The following PTCHD4 variants were observed in gnomAD, a reference collection of about 807,000 sequenced individuals.
PTCHD4 encodes the protein patched domain containing 4.
PTCHD4 carries 33 observed loss-of-function variants against 58.1 expected under a neutral mutation model. The observed-to-expected ratio is 0.57, with a 90% CI of 0.43 to 0.76. The LOEUF is 0.76. PTCHD4 is among the 30% of genes least tolerant of loss of function. The probability of loss-of-function intolerance (pLI) is 0.00; values close to 1 mark genes in which losing one functional copy is unlikely to be tolerated. For missense variants in PTCHD4, 1,058 were observed against 1,027.1 expected, an observed-to-expected ratio of 1.03 and a Z score of -0.41; for synonymous variants, 478 against 409.6, an observed-to-expected ratio of 1.17 and a Z score of -2.02.
intron 3 of PTCHD4, among the ~76,000 whole-genome samples, chr6:48,009,383 T>A (rs1479030825): frequency 6.6e-6 from 1 of 152,198 alleles, no homozygotes; most frequent in Non-Finnish European, 1.5e-5. Flanking sequence ...AGATAAATAT[T>A]TTGTTCTCAC....
At chr6:47,988,144 G>GA (rs1768143480) in intron 4 of PTCHD4, among the ~76,000 whole-genome samples, 1 of 151,998 alleles carries the variant, frequency 6.6e-6, no homozygotes, top group Non-Finnish European at 1.5e-5. Flanking sequence ...AATATTAAAA[G>GA]AAAAAAATAA....
In PTCHD4 at chr6:47,876,530, A is replaced by G. The variant is rs1763852452; in HGVS notation, c.*1773T>C. Among the ~76,000 whole-genome samples the G allele has an allele frequency of 6.6e-6, 1 of 151,958 alleles. No individual in the cohort carries two copies. The highest frequency in any genetic ancestry group is 6.6e-5 in the Admixed American group (1 of 15,222). On this transcript the variant is annotated 3_prime_UTR_variant, in exon 5 of 5. Transcript: ENST00000339488. ...TAGTCTATCAACTTCATTTCCAGAG[A>G]CTATAACGAGAATGGAATGGTTTGT...
chr6:47,908,366 G>A (rs1561951252), intron 4 of PTCHD4, among the ~76,000 whole-genome samples: 1 of 152,032 alleles, frequency 6.6e-6, no homozygotes, highest in Non-Finnish European at 1.5e-5. Flanking sequence ...CCATGAATTG[G>A]GATTTTGTCT....
intron 1 of PTCHD4, among the ~76,000 whole-genome samples, chr6:48,085,825 T>C (rs545127139): frequency 6.6e-6 from 1 of 152,312 alleles, no homozygotes; most frequent in East Asian, 1.9e-4. Context: ...GCTGTTTATC[T>C]ATGAGTTAGG....
At chr6:47,906,067 C>T (rs924825539) in intron 4 of PTCHD4, among the ~76,000 whole-genome samples, 3 of 152,200 alleles carry the variant, frequency 2.0e-5, no homozygotes, top group Non-Finnish European at 4.4e-5. Context: ...AATGAAGATT[C>T]CAAATAAAGT....
At chr6:48,078,331 C>T (rs772971602) in intron 1 of PTCHD4, among the ~76,000 whole-genome samples, 3 of 152,168 alleles carry the variant, frequency 2.0e-5, no homozygotes, top group African/African-American at 7.2e-5. Flanking sequence ...CTCAAGAACA[C>T]AAGCTTTGGC....
chr6:48,004,014 C>A (rs1490505991), intron 4 of PTCHD4, among the ~76,000 whole-genome samples: 1 of 152,108 alleles, frequency 6.6e-6, no homozygotes, highest in Non-Finnish European at 1.5e-5. Flanking sequence ...ATTTATATCA[C>A]CTAGAAATCA....
At chr6:47,969,247 C>T (rs144845623) in intron 4 of PTCHD4, among the ~76,000 whole-genome samples, 293 of 152,306 alleles carry the variant, frequency 1.9e-3, no homozygotes, top group African/African-American at 6.8e-3. Flanking sequence ...GTTTTATTTT[C>T]ACATACTTGT....
Position 48,068,805 on chromosome 6 carries a change from G to C in PTCHD4, c.5+148C>G, listed in dbSNP as rs1764901762. 6 of 640,704 alleles carry C rather than the reference G, an allele frequency of 9.4e-6. No individual in the cohort carries two copies. In the Admixed American group the frequency reaches 1.8e-4, roughly 19 times the overall value. The allele number at this position is 640,704 out of a possible 1,614,324, so 39.7% of individuals were successfully genotyped here. A position where few individuals can be genotyped will look rare whatever the true frequency, so the allele number is the denominator to read the frequency against. On this transcript the variant is annotated intron_variant, in intron 2 of 4. Transcript: ENST00000339488. This position sits in a 1 kb window ranked among gnomAD's most constrained non-coding sequence, Gnocchi z 4.2. ...TCTTTCCCCGGCCCCACCTCCATGC[G>C]CTCCTACTACTCTTTCAAACACTGC... is the stretch of plus-strand genomic sequence containing the variant.
In PTCHD4 at chr6:48,012,941, T is replaced by C. The variant is rs148177593; in HGVS notation, c.418-3827A>G. 1.4e-4 allele frequency among the ~76,000 whole-genome samples: 21 copies of C among 152,296 alleles called. No individual in the cohort carries two copies. In the East Asian group the frequency reaches 3.9e-3, roughly 28 times the overall value. ...ATGAAGCTGACTTGATTGTGGTAGA[T>C]AAGCTTTTTGATGTGCTGCTGGACT... On this transcript the variant is annotated intron_variant, in intron 3 of 4. Transcript: ENST00000339488.
intron 1 of PTCHD4, among the ~76,000 whole-genome samples, chr6:48,097,293 A>T (rs1025124163): frequency 1.3e-5 from 2 of 152,200 alleles, no homozygotes. Context: ...AGATGTGGAA[A>T]TTCATCTTGT....
At chr6:47,943,713 G>C (rs1341821698) in intron 4 of PTCHD4, among the ~76,000 whole-genome samples, 1 of 151,978 alleles carries the variant, frequency 6.6e-6, no homozygotes, top group African/African-American at 2.4e-5. Context: ...ATACAGAGCT[G>C]AGCACCTAGA....
chr6:48,040,782 C>T (rs961388738), intron 3 of PTCHD4, among the ~76,000 whole-genome samples: 1 of 151,988 alleles, frequency 6.6e-6, no homozygotes, highest in African/African-American at 2.4e-5. Flanking sequence ...CAACATATCT[C>T]ATAATGGATG....
intron 1 of PTCHD4, among the ~76,000 whole-genome samples, chr6:48,103,278 C>A (rs966121483): frequency 6.6e-6 from 1 of 152,188 alleles, no homozygotes; most frequent in Non-Finnish European, 1.5e-5. Context: ...GATCAGGCAG[C>A]AGCATTTGCG....
intron 1 of PTCHD4, among the ~76,000 whole-genome samples, chr6:48,091,646 T>A (rs1418232588): frequency 6.7e-6 from 1 of 149,602 alleles, no homozygotes; most frequent in Non-Finnish European, 1.5e-5. Flanking sequence ...CCTCTTTCTT[T>A]CTCTCTTTCT....
In PTCHD4 at chr6:48,106,949, G is replaced by A. The variant is rs189767100; in HGVS notation, c.-970+4100C>T. 1.1e-3 allele frequency among the ~76,000 whole-genome samples: 161 copies of A among 152,270 alleles called. 1 individual carries two copies. Among genetic ancestry groups the A allele is most frequent in the African/African-American group, 3.5e-3 (147 of 41,556 alleles). On this transcript the variant is annotated intron_variant, in intron 1 of 4. Transcript: ENST00000339488. ...CAAACGACTGCTCAATGAAATAAAAGAGTATACAAACAAATGGAAGAACAT... is the reference window on the plus strand; with the variant it reads ...CAAACGACTGCTCAATGAAATAAAAAAGTATACAAACAAATGGAAGAACAT...
chr6:48,016,796 G>C (rs1353272694), intron 3 of PTCHD4, among the ~76,000 whole-genome samples: 1 of 150,550 alleles, frequency 6.6e-6, no homozygotes, highest in Non-Finnish European at 1.5e-5. Context: ...AGAGAGGATG[G>C]AGACATTAAT....
At chr6:47,914,254 C>T (rs1765159932) in intron 4 of PTCHD4, among the ~76,000 whole-genome samples, 1 of 152,084 alleles carries the variant, frequency 6.6e-6, no homozygotes, top group Non-Finnish European at 1.5e-5. Context: ...CTTCATGTGT[C>T]AACTTGACTA....
chr6:47,901,939 A>T, intron 4 of PTCHD4: 2 of 1,299,256 alleles, frequency 1.5e-6, no homozygotes, highest in South Asian at 2.5e-5. Context: ...GAGATGCCTT[A>T]AAAATAGTAT....
Sources: gnomAD v4.1 joint callset for allele counts (sites outside exome capture counted in the v4.1 genomes callset) on GRCh38, gnomAD v4.1.1 for gene constraint, Gnocchi (gnomAD v3.1) non-coding constraint, MANE v1.5 for transcripts, NCBI Gene and HGNC (gene_info 2026-07-23, HGNC 2026-07-21) for gene names.